TAF3: variants seen among roughly 807,000 people sequenced by gnomAD.
TAF3 encodes the protein TATA-box binding protein associated factor 3, also known as transcription initiation factor TFIID subunit 3.
In TAF3, 7 loss-of-function variants were observed where a neutral mutation model predicts 80.6. That is an observed-to-expected ratio of 0.09 (90% CI 0.05 to 0.16). The LOEUF (loss-of-function observed/expected upper bound fraction) is 0.16. Ranked by LOEUF, TAF3 falls within the 10% of genes least tolerant of loss-of-function variation. The probability of loss-of-function intolerance (pLI) is 1.00; values close to 1 mark genes in which losing one functional copy is unlikely to be tolerated. For missense variants in TAF3, 921 were observed against 1,140.2 expected (o/e 0.81, Z 2.77); for synonymous variants, 444 against 446.1 (o/e 1.00, Z 0.06).
At chr10:7,963,851 TTTTA>T in intron 2 of TAF3, 65 bp from the exon 3 acceptor site, 1 of 1,371,056 alleles carries the variant, frequency 7.3e-7, no homozygotes, top group Non-Finnish European at 9.7e-7. Flanking sequence ...GAAGCATTGT[TTTTA>T]TTTCTTAGGT....
chr10:7,962,978 T>C (rs549715205), intron 2 of TAF3, among the ~76,000 whole-genome samples: 27 of 152,292 alleles, frequency 1.8e-4, no homozygotes, highest in Admixed American at 1.7e-3. Flanking sequence ...ATCGGCTCCT[T>C]TTTGAAAGAT....
At chr10:7,837,626 G>T (rs2131110994) in intron 2 of TAF3, among the ~76,000 whole-genome samples, 1 of 152,296 alleles carries the variant, frequency 6.6e-6, no homozygotes, top group East Asian at 1.9e-4. Context: ...CTGGGCAAAA[G>T]AGCAAGACTC....
At chr10:7,821,733 C>T (rs1675645129) in intron 1 of TAF3, among the ~76,000 whole-genome samples, 1 of 152,106 alleles carries the variant, frequency 6.6e-6, no homozygotes, top group Non-Finnish European at 1.5e-5. Flanking sequence ...AACACTAGTA[C>T]TGTAATATTT....
At chr10:7,967,805 T>A (rs1236869708) in intron 3 of TAF3, among the ~76,000 whole-genome samples, 2 of 152,188 alleles carry the variant, frequency 1.3e-5, no homozygotes, top group Admixed American at 1.3e-4. Flanking sequence ...TGCTGCTCCA[T>A]TGGACCATAT....
chr10:7,852,403 T>A (rs1400315756), intron 2 of TAF3, among the ~76,000 whole-genome samples: 1 of 152,184 alleles, frequency 6.6e-6, no homozygotes, highest in Non-Finnish European at 1.5e-5. Flanking sequence ...TCTCCCTCTC[T>A]CATTCTTTCT....
chr10:7,889,661 C>G (rs1160257748), intron 2 of TAF3, among the ~76,000 whole-genome samples: 1 of 152,218 alleles, frequency 6.6e-6, no homozygotes, highest in Non-Finnish European at 1.5e-5. Context: ...AATTCCACCT[C>G]TTAGTTATTC....
chr10:7,979,765 A>G (rs1270584545), intron 4 of TAF3, among the ~76,000 whole-genome samples: 3 of 147,880 alleles, frequency 2.0e-5, no homozygotes, highest in Non-Finnish European at 4.5e-5. Context: ...TCTAATAGTA[A>G]TAGAATTTTA....
intron 4 of TAF3, among the ~76,000 whole-genome samples, chr10:8,007,675 G>A (rs1832010258): frequency 7.0e-6 from 1 of 142,014 alleles, no homozygotes; most frequent in Non-Finnish European, 1.5e-5. Flanking sequence ...TGGTTCAAAA[G>A]CTGCCACCCG....
At chr10:7,924,758 T>C (rs1837799473) in intron 2 of TAF3, among the ~76,000 whole-genome samples, 1 of 152,040 alleles carries the variant, frequency 6.6e-6, no homozygotes, top group African/African-American at 2.4e-5. Context: ...TGTGTTTTTT[T>C]TTTTCTTGTG....
chr10:7,967,841 G>T (rs1303592565), intron 3 of TAF3, among the ~76,000 whole-genome samples: 2 of 152,182 alleles, frequency 1.3e-5, no homozygotes, highest in Non-Finnish European at 2.9e-5. Context: ...AATATGGGCA[G>T]GTCAGCTATT....
chr10:7,870,982 G>GT (rs1223871248), intron 2 of TAF3, among the ~76,000 whole-genome samples: 2 of 152,120 alleles, frequency 1.3e-5, no homozygotes, highest in Admixed American at 1.3e-4. Context: ...TAGATTGTAT[G>GT]TATCTGTGAT....
At chr10:7,855,659 C>T (rs1483435318) in intron 2 of TAF3, among the ~76,000 whole-genome samples, 1 of 152,116 alleles carries the variant, frequency 6.6e-6, no homozygotes, top group Non-Finnish European at 1.5e-5. Context: ...CTCAAAGCTC[C>T]CAGACAGCTT....
Position 8,009,103 on chromosome 10 carries a change from C to T in TAF3, c.2341C>T (p.Pro781Ser). The T allele has an allele frequency of 6.2e-7, 1 of 1,601,970 alleles. No individual in the cohort carries two copies. Among genetic ancestry groups the T allele is most frequent in the Non-Finnish European group, 8.5e-7 (1 of 1,175,004 alleles). Residue 781 changes from proline (P) to serine (S), a missense_variant, in exon 5 of 7, where the codon CCC becomes TCC. Pro to Ser is a moderately conservative substitution (Grantham distance 74). Around this residue, in one of 6 missense-constraint regions of TAF3, gnomAD observed 743 missense variants for 821.0 expected, o/e 0.90. Transcript: ENST00000344293. The surrounding 1 kb of genome is among the most constrained non-coding windows in gnomAD (Gnocchi z 4.1). ...TGTCATCAGCAAGGTGGTCCCTGCC[C>T]CCGAGGCCAAGCCGGCGCCCTCGCA... ...KIVISKVVPAPEAKPAPSQNR... is the reference protein window; with the variant it reads ...KIVISKVVPASEAKPAPSQNR...
intron 4 of TAF3, among the ~76,000 whole-genome samples, chr10:8,000,982 A>T (rs1458183135): frequency 5.3e-5 from 8 of 152,220 alleles, no homozygotes; most frequent in Non-Finnish European, 1.0e-4. Flanking sequence ...ACACATGTGT[A>T]TCACCACTTC....
chr10:7,850,843 G>A (rs1046023984), intron 2 of TAF3, among the ~76,000 whole-genome samples: 1 of 152,058 alleles, frequency 6.6e-6, no homozygotes, highest in Non-Finnish European at 1.5e-5. Flanking sequence ...TAAGTTAGCT[G>A]TACTGTCATC....
chr10:7,838,117 C>A (rs924141415), intron 2 of TAF3, among the ~76,000 whole-genome samples: 1 of 152,160 alleles, frequency 6.6e-6, no homozygotes, highest in African/African-American at 2.4e-5. Flanking sequence ...ATTGAATTAA[C>A]CTGCCTCGTG....
intron 2 of TAF3, among the ~76,000 whole-genome samples, chr10:7,947,359 A>T (rs201498412): frequency 2.7e-5 from 3 of 110,468 alleles, no homozygotes; most frequent in Non-Finnish European, 6.1e-5. Context: ...CGCTGTTTAG[A>T]CTCTGGGAAT....
chr10:7,964,485 G>T lies in TAF3; in HGVS notation c.975G>T (p.Lys325Asn), dbSNP rs758026002. The T allele has an allele frequency of 5.6e-6, 9 of 1,613,352 alleles. No individual in the cohort carries two copies. The South Asian group carries it at 9.9e-5, about 18-fold the overall frequency. Residue 325 changes from lysine to asparagine, a missense_variant, in exon 3 of 7, where the codon AAG becomes AAT. Around this residue, in one of 6 missense-constraint regions of TAF3, gnomAD observed 743 missense variants for 821.0 expected, o/e 0.90. Coordinates refer to ENST00000344293, the MANE Select transcript of TAF3 (RefSeq NM_031923.4). This position sits in a 1 kb window ranked among gnomAD's most constrained non-coding sequence, Gnocchi z 4.1. ...SKSPKSPKSP[K>N]VTTHIPQTPV... Reference sequence around the variant, plus strand: ...GCCCCAAGAGTCCCAAGAGCCCCAAGGTCACGACTCACATTCCCCAAACAC... The same window carrying T: ...GCCCCAAGAGTCCCAAGAGCCCCAATGTCACGACTCACATTCCCCAAACAC...
chr10:7,940,819 G>A (rs1837968990), intron 2 of TAF3, among the ~76,000 whole-genome samples: 1 of 151,768 alleles, frequency 6.6e-6, no homozygotes, highest in South Asian at 2.1e-4. Context: ...AAAATTAGCT[G>A]GGTATGATGG....
Sources: allele counts gnomAD v4.1 joint callset (sites outside exome capture counted in the v4.1 genomes callset), GRCh38; gene constraint gnomAD v4.1.1; regional missense constraint gnomAD v4.1.1; non-coding constraint Gnocchi (gnomAD v3.1); transcripts MANE v1.5; gene names NCBI Gene and HGNC (gene_info 2026-07-23, HGNC 2026-07-21).